CBFA2T2: variants seen among roughly 807,000 people sequenced by gnomAD.
CBFA2T2 encodes the protein CBFA2/RUNX1 partner transcriptional co-repressor 2.
CBFA2T2 carries 11 observed loss-of-function variants against 62.2 expected under a neutral mutation model. That is an observed-to-expected ratio of 0.18 (90% CI 0.11 to 0.29). CBFA2T2 has a LOEUF of 0.29. Among genes scored for constraint, CBFA2T2 ranks in the 10% least tolerant of loss-of-function variants. CBFA2T2 has a pLI of 1.00. For missense variants in CBFA2T2, 592 were observed against 774.1 expected (o/e 0.76, Z 2.79); for synonymous variants, 295 against 287.5 (o/e 1.03, Z -0.27).
chr20:33,584,561 G>A (rs1386609689), intron 1 of CBFA2T2, among the ~76,000 whole-genome samples: 1 of 152,044 alleles, frequency 6.6e-6, no homozygotes, highest in East Asian at 1.9e-4. Flanking sequence ...CCGGCCTTAA[G>A]TGACATTTTT....
At chr20:33,583,926 ATTTATTTG>A (rs1217182495) in intron 1 of CBFA2T2, among the ~76,000 whole-genome samples, 10 of 151,216 alleles carry the variant, frequency 6.6e-5, no homozygotes, top group African/African-American at 1.5e-4. Flanking sequence ...TTATTTATTT[ATTTATTTG>A]TTTGTTTGTT....
chr20:33,555,316 G>A (rs996731168), intron 1 of CBFA2T2, among the ~76,000 whole-genome samples: 18 of 151,956 alleles, frequency 1.2e-4, no homozygotes, highest in African/African-American at 4.1e-4. Context: ...CATCATCAGA[G>A]TAAGAAACCA....
At chr20:33,529,111 C>T (rs981577466) in intron 1 of CBFA2T2, among the ~76,000 whole-genome samples, 14 of 152,054 alleles carry the variant, frequency 9.2e-5, no homozygotes, top group South Asian at 4.1e-4. Flanking sequence ...CTGCAAGCTC[C>T]GCCTACCGGG....
chr20:33,619,443 AAAAAG>A (rs2015848663), intron 3 of CBFA2T2, 69 bp from the exon 4 acceptor site: 4 of 746,220 alleles, frequency 5.4e-6, no homozygotes, highest in East Asian at 3.1e-5. Flanking sequence ...AAAAAAAAAA[AAAAAG>A]AAGAGTTTGG....
rs572213418 is a variant in CBFA2T2 at position 33,594,874 on chromosome 20, T to A, written c.35-12082T>A. 2.0e-5 allele frequency among the ~76,000 whole-genome samples: 3 copies of A among 152,332 alleles called. No homozygotes were observed. The South Asian group carries it at 6.2e-4, about 32-fold the overall frequency. On this transcript the variant is annotated intron_variant, in intron 1 of 10. Transcript: ENST00000342704. ...ATACAAAGGCAAGATGCTAATCAAA[T>A]TTAATTTAAGTCTTTTCTGTTCATG...
Position 33,611,206 on chromosome 20 carries a change from A to G in CBFA2T2, c.291A>G (p.Gln97=), listed in dbSNP as rs938757960. The part of the protein sequence containing the change: ...SSTSSALTNQ[Q]LPATCGARQL... ...CATCATCTGCACTCACAAATCAGCA[A>G]TTGCCAGCCACTTGTGGTGCTCGAC... The change falls in exon 3 of 11, where the codon CAA becomes CAG. Residue 97 remains glutamine (Q), a synonymous_variant. Transcript: ENST00000342704. The G allele has an allele frequency of 5.6e-6, 9 of 1,614,038 alleles. No homozygotes were observed. The highest frequency in any genetic ancestry group is 1.7e-5 in the Admixed American group (1 of 60,000).
chr20:33,632,578 C>T (rs1302560935), intron 8 of CBFA2T2, among the ~76,000 whole-genome samples: 1 of 150,580 alleles, frequency 6.6e-6, no homozygotes, highest in African/African-American at 2.4e-5. Context: ...AAGGGATTCT[C>T]CTGCCTCAGC....
At chr20:33,564,310 T>G (rs1462734824) in intron 1 of CBFA2T2, among the ~76,000 whole-genome samples, 1 of 149,892 alleles carries the variant, frequency 6.7e-6, no homozygotes, top group African/African-American at 2.5e-5. Context: ...GTCGCGCAGG[T>G]GGAGTGCAGT....
chr20:33,564,291 T>G (rs1345830199), intron 1 of CBFA2T2, among the ~76,000 whole-genome samples: 4 of 148,516 alleles, frequency 2.7e-5, no homozygotes, highest in African/African-American at 9.9e-5. Flanking sequence ...CGAGATGGAG[T>G]CTCACTCTGT....
At chr20:33,491,182 T>G (rs2011144076) in intron 1 of CBFA2T2, among the ~76,000 whole-genome samples, 1 of 152,200 alleles carries the variant, frequency 6.6e-6, no homozygotes, top group South Asian at 2.1e-4. Flanking sequence ...GTAATTATAA[T>G]AGCCAACATT....
chr20:33,496,891 G>C (rs573244700), intron 1 of CBFA2T2, among the ~76,000 whole-genome samples: 1 of 152,256 alleles, frequency 6.6e-6, no homozygotes, highest in East Asian at 1.9e-4. Context: ...TCCCCTTTGA[G>C]GTTATGAAAT....
intron 1 of CBFA2T2, chr20:33,574,312 T>TA: frequency 6.4e-7 from 1 of 1,553,526 alleles, no homozygotes; most frequent in Non-Finnish European, 8.8e-7. Flanking sequence ...ATAACAGAAA[T>TA]ATACTCTTCC....
chr20:33,529,094 C>G (rs2011970676), intron 1 of CBFA2T2, among the ~76,000 whole-genome samples: 1 of 152,008 alleles, frequency 6.6e-6, no homozygotes. Flanking sequence ...GGCGCAATCT[C>G]AGTTCACTGC....
At chr20:33,550,662 GC>G (rs1193302676) in intron 1 of CBFA2T2, among the ~76,000 whole-genome samples, 3 of 151,360 alleles carry the variant, frequency 2.0e-5, no homozygotes, top group Non-Finnish European at 2.9e-5. Flanking sequence ...CGCTGTTTTC[GC>G]CCAGGCTGGA....
At chr20:33,572,140 A>C (rs140961741) in intron 1 of CBFA2T2, among the ~76,000 whole-genome samples, 3 of 152,158 alleles carry the variant, frequency 2.0e-5, no homozygotes, top group Non-Finnish European at 4.4e-5. Flanking sequence ...TGATCTGCCA[A>C]CCTTGTTTAT....
chr20:33,526,130 T>A (rs1485242532), intron 1 of CBFA2T2, among the ~76,000 whole-genome samples: 1 of 152,114 alleles, frequency 6.6e-6, no homozygotes, highest in Non-Finnish European at 1.5e-5. Context: ...TAATGAATCC[T>A]CCCGCCTTGG....
At chr20:33,617,283 T>C (rs564982924) in intron 3 of CBFA2T2, among the ~76,000 whole-genome samples, 1 of 152,352 alleles carries the variant, frequency 6.6e-6, no homozygotes, top group African/African-American at 2.4e-5. Context: ...GAGTCAGTAG[T>C]GTCCTGTACA....
chr20:33,529,320 C>T (rs886344803), intron 1 of CBFA2T2, among the ~76,000 whole-genome samples: 10 of 152,160 alleles, frequency 6.6e-5, no homozygotes, highest in Non-Finnish European at 1.3e-4. Context: ...CCACCGCGCC[C>T]AGTGCACCAG....
chr20:33,503,261 T>TTC (rs1312564200), intron 1 of CBFA2T2, among the ~76,000 whole-genome samples: 1 of 142,414 alleles, frequency 7.0e-6, no homozygotes, highest in Non-Finnish European at 1.5e-5. Flanking sequence ...TTTCTTTTTT[T>TTC]TTTTTTTTTT....
Sources: allele counts gnomAD v4.1 joint callset (sites outside exome capture counted in the v4.1 genomes callset), GRCh38; gene constraint gnomAD v4.1.1; transcripts MANE v1.5; gene names NCBI Gene and HGNC (gene_info 2026-07-23, HGNC 2026-07-21).